Variants in ZNF578 observed in about 807,000 individuals in gnomAD.
ZNF578 encodes Putative chemokine-related protein B42.
ZNF578 carries 8 observed loss-of-function variants against 8.3 expected under a neutral mutation model. The observed-to-expected ratio is 0.96, with a 90% confidence interval of 0.56 to 1.74. The LOEUF (loss-of-function observed/expected upper bound fraction) is 1.74, where lower values mean the gene tolerates loss of function less well. Ranked by LOEUF, ZNF578 falls within the 40% of genes most tolerant of loss-of-function variation. The pLI, the probability that ZNF578 is intolerant of heterozygous loss-of-function variation, is 0.00. For synonymous variants in ZNF578, 206 were observed against 232.2 expected (o/e 0.89, Z 1.03); for missense variants, 726 against 707.5 (o/e 1.03, Z -0.30).
At position 52,513,718 on chromosome 19, in the gene ZNF578, A is replaced by G. The variant is rs113189896; in HGVS notation, c.*1564A>G. Among the ~76,000 whole-genome samples the G allele has an allele frequency of 0.022, 2,858 of 131,782 alleles. 103 individuals carry two copies. Among genetic ancestry groups the G allele is most frequent in the African/African-American group, 0.078 (2,730 of 35,154 alleles). 86.5% of individuals were successfully genotyped at this position (131,782 alleles called of 152,430 possible). A position where few individuals can be genotyped will look rare whatever the true frequency, so the allele number is the denominator to read the frequency against. On this transcript the variant is annotated 3_prime_UTR_variant, in exon 6 of 6. Transcript: ENST00000421239. ...GCACTCCAGGCTGGGCGACAGAGTG[A>G]GAGTCTGTCTCAAAAAAAAAAAAAA... is the stretch of plus-strand genomic sequence containing the variant.
intron 2 of ZNF578, chr19:52,474,098 T>C (rs1166401551): frequency 2.7e-6 from 1 of 369,564 alleles, no homozygotes; most frequent in Non-Finnish European, 5.6e-6. Flanking sequence ...AATTCTCTGA[T>C]GATTGCTTAG....
chr19:52,460,175 G>A (rs1480123440), intron 2 of ZNF578, among the ~76,000 whole-genome samples: 1 of 151,984 alleles, frequency 6.6e-6, no homozygotes, highest in East Asian at 1.9e-4. Flanking sequence ...ATGCCCAGAA[G>A]TGGGATTGCT....
intron 3 of ZNF578, among the ~76,000 whole-genome samples, chr19:52,492,208 A>G (rs1284409993): frequency 5.6e-5 from 8 of 141,836 alleles, no homozygotes; most frequent in Admixed American, 2.2e-4. Flanking sequence ...AGAGACGAGG[A>G]AGGGAGCCCT....
At chr19:52,485,708 A>G (rs1276171779) in intron 2 of ZNF578, among the ~76,000 whole-genome samples, 1 of 152,206 alleles carries the variant, frequency 6.6e-6, no homozygotes, top group African/African-American at 2.4e-5. Flanking sequence ...GTGTTGACTC[A>G]AGGTTTAATG....
intron 3 of ZNF578, among the ~76,000 whole-genome samples, chr19:52,501,378 G>A (rs1175945711): frequency 6.6e-6 from 1 of 152,196 alleles, no homozygotes; most frequent in Non-Finnish European, 1.5e-5. Flanking sequence ...TTCTTATTCT[G>A]ACGGGATGGA....
chr19:52,482,571 C>G (rs1454051637), intron 2 of ZNF578, among the ~76,000 whole-genome samples: 3 of 151,316 alleles, frequency 2.0e-5, no homozygotes, highest in Non-Finnish European at 4.4e-5. Context: ...CTGGGAGGCA[C>G]AGGTTGCAGT....
chr19:52,513,933 G>A lies in ZNF578; in HGVS notation c.*1779G>A, dbSNP rs1183479904. On this transcript the variant is annotated 3_prime_UTR_variant, in exon 6 of 6. Transcript: ENST00000421239. ...CCAGCTACTTGGGACACTGAGGCAT[G>A]AGAATCACTTAAACCTGGGAGGTAG... Among the ~76,000 whole-genome samples the A allele has an allele frequency of 6.6e-6, 1 of 152,084 alleles. No homozygotes were observed. The highest frequency in any genetic ancestry group is 2.4e-5 in the African/African-American group (1 of 41,394).
At chr19:52,487,960 C>G (rs35564476) in intron 2 of ZNF578, among the ~76,000 whole-genome samples, 1,251 of 67,712 alleles carry the variant, frequency 0.018, 17 homozygotes, top group African/African-American at 0.055. Context: ...GCCCCCCCCC[C>G]TTTTTTTTTT....
chr19:52,508,682 C>G (rs2059433839), intron 5 of ZNF578, among the ~76,000 whole-genome samples: 1 of 151,470 alleles, frequency 6.6e-6, no homozygotes, highest in African/African-American at 2.4e-5. Flanking sequence ...GTAATCCCAG[C>G]TACTGAGGAG....
chr19:52,502,354 G>A (rs368056247), intron 4 of ZNF578, among the ~76,000 whole-genome samples: 114 of 152,292 alleles, frequency 7.5e-4, no homozygotes, highest in African/African-American at 2.7e-3. Context: ...ATAAGGAGAG[G>A]TATTTTGTAT....
Position 52,499,689 on chromosome 19 carries a change from G to T in ZNF578, c.-19-2138G>T, listed in dbSNP as rs868752778. Reference sequence around the variant, plus strand: ...TGAGAAGATACATCACTTCCAAATCGTTTTTTTTTTTTTGAGATGAATTTT... The same window carrying T: ...TGAGAAGATACATCACTTCCAAATCTTTTTTTTTTTTTTGAGATGAATTTT... On this transcript the variant is annotated intron_variant, in intron 3 of 5. Transcript: ENST00000421239. Among the ~76,000 whole-genome samples, 436 of 141,596 alleles carry T rather than the reference G, an allele frequency of 3.1e-3. 5 individuals carry two copies. The highest frequency in any genetic ancestry group is 0.011 in the African/African-American group (424 of 37,564). The allele number at this position is 141,596 out of a possible 152,430, so 92.9% of individuals were successfully genotyped here. A position where few individuals can be genotyped will look rare whatever the true frequency, so the allele number is the denominator to read the frequency against.
At chr19:52,464,601 G>A (rs80072188) in intron 2 of ZNF578, among the ~76,000 whole-genome samples, 5 of 152,138 alleles carry the variant, frequency 3.3e-5, no homozygotes, top group African/African-American at 7.2e-5. Flanking sequence ...GCAATCCAGC[G>A]TTTGTAATTG....
Position 52,504,252 on chromosome 19 carries a change from G to A in ZNF578, c.64-403G>A, listed in dbSNP as rs553520231. On this transcript the variant is annotated intron_variant, in intron 4 of 5. Coordinates refer to ENST00000421239, the MANE Select transcript of ZNF578 (RefSeq NM_001099694.2). ...ATTACAGGAGCCTGCCACAATGCCC[G>A]TCTAATTTTTATATTTTTAGTGGAG... Among the ~76,000 whole-genome samples, 31 of 151,940 alleles carry A rather than the reference G, an allele frequency of 2.0e-4. 1 individual carries two copies. The highest frequency in any genetic ancestry group is 6.8e-4 in the African/African-American group (28 of 41,438).
intron 2 of ZNF578, among the ~76,000 whole-genome samples, chr19:52,476,659 A>G (rs1235022042): frequency 2.6e-5 from 4 of 152,226 alleles, no homozygotes; most frequent in African/African-American, 4.8e-5. Context: ...ATTGATAGCT[A>G]TATTTGCAAC....
In ZNF578 at chr19:52,511,081, A is replaced by G; in HGVS notation, c.700A>G (p.Asn234Asp). ...VHMREKSFQCNETGEAFNCSS... is the reference protein window; with the variant it reads ...VHMREKSFQCDETGEAFNCSS... ...CATGAGAGAAAAATCTTTCCAATGT[A>G]ATGAGACTGGCGAAGCCTTTAATTG... The change falls in exon 6 of 6, where the codon AAT becomes GAT. Residue 234 changes from asparagine to aspartate, a missense_variant. Transcript: ENST00000421239. The G allele has an allele frequency of 6.2e-7, 1 of 1,614,214 alleles. No individual in the cohort carries two copies. The highest frequency in any genetic ancestry group is 8.5e-7 in the Non-Finnish European group (1 of 1,180,028).
chr19:52,509,655 T>TACTTAAGAGGCTG (rs1340316014), intron 5 of ZNF578, among the ~76,000 whole-genome samples: 1 of 152,040 alleles, frequency 6.6e-6, no homozygotes, highest in Admixed American at 6.6e-5. Flanking sequence ...TAATCCCAGG[T>TACTTAAGAGGCTG]ACTTAAGAGG....
At chr19:52,487,858 A>G (rs1404098392) in intron 2 of ZNF578, among the ~76,000 whole-genome samples, 8 of 152,064 alleles carry the variant, frequency 5.3e-5, no homozygotes, top group African/African-American at 1.7e-4. Context: ...GCTGGTCTCA[A>G]AATCCTGGGC....
intron 3 of ZNF578, among the ~76,000 whole-genome samples, chr19:52,498,339 T>G (rs889573573): frequency 6.7e-6 from 1 of 149,424 alleles, no homozygotes; most frequent in African/African-American, 2.5e-5. Flanking sequence ...GTTTTTTTTT[T>G]TTTTTTTTTT....
intron 2 of ZNF578, chr19:52,474,160 C>G (rs1418906956): frequency 3.2e-6 from 1 of 311,770 alleles, no homozygotes; most frequent in Non-Finnish European, 6.7e-6. Context: ...TGTAAGGTTT[C>G]TTTCCACTAT....
Sources: gnomAD v4.1 joint callset for allele counts (sites outside exome capture counted in the v4.1 genomes callset) on GRCh38, gnomAD v4.1.1 for gene constraint, MANE v1.5 for transcripts, NCBI Gene and HGNC (gene_info 2026-07-23, HGNC 2026-07-21) for gene names.